Variants in NEK11 observed in about 807,000 individuals in gnomAD.
NEK11 encodes serine/threonine-protein kinase Nek11.
Under a neutral mutation model 80.7 loss-of-function variants are expected in NEK11, and 72 were observed. The observed-to-expected ratio is 0.89, with a 90% CI of 0.74 to 1.08. The LOEUF (loss-of-function observed/expected upper bound fraction) is 1.08. NEK11 is among the 50% of genes least tolerant of loss of function. The pLI is 0.00. For synonymous variants in NEK11, 251 were observed against 260.7 expected, an observed-to-expected ratio of 0.96 and a Z score of 0.36; for missense variants, 764 against 763.6, an observed-to-expected ratio of 1.00 and a Z score of -0.01.
At chr3:131,171,874 A>C (rs1434909229) in intron 14 of NEK11, among the ~76,000 whole-genome samples, 1 of 152,232 alleles carries the variant, frequency 6.6e-6, no homozygotes, top group Non-Finnish European at 1.5e-5. Flanking sequence ...TGAGTGGATG[A>C]ATACATGAGT....
chr3:131,098,645 C>T (rs58954839), intron 4 of NEK11, among the ~76,000 whole-genome samples: 31,655 of 149,908 alleles, frequency 0.21, 3,657 homozygotes, highest in African/African-American at 0.32. Context: ...GCGCAATCTC[C>T]GCTCACTGAA....
chr3:131,255,050 G>GAGAGAC (rs1222083767), intron 16 of NEK11, among the ~76,000 whole-genome samples: 2 of 132,634 alleles, frequency 1.5e-5, no homozygotes, highest in African/African-American at 5.6e-5. Context: ...GAGAGAGAGA[G>GAGAGAC]AGACAGACAG....
chr3:131,168,093 C>A (rs1435161598), intron 12 of NEK11, among the ~76,000 whole-genome samples: 1 of 152,196 alleles, frequency 6.6e-6, no homozygotes, highest in Non-Finnish European at 1.5e-5. Flanking sequence ...AGGCATCCTG[C>A]CCTCTTTTGT....
chr3:131,100,403 G>T (rs2078189488), intron 4 of NEK11, among the ~76,000 whole-genome samples: 1 of 151,984 alleles, frequency 6.6e-6, no homozygotes, highest in South Asian at 2.1e-4. Flanking sequence ...CAGCTAGTCT[G>T]GCCAACATGG....
chr3:131,250,403 A>G (rs1242734638), intron 16 of NEK11, among the ~76,000 whole-genome samples: 1 of 152,110 alleles, frequency 6.6e-6, no homozygotes, highest in Non-Finnish European at 1.5e-5. Context: ...TGAACCTACA[A>G]ATATTTATCT....
rs181434023 is a variant in NEK11, at chr3:131,123,462, G to A, written c.456-9283G>A. On this transcript the variant is annotated intron_variant, in intron 5 of 17. Transcript: ENST00000383366. ...TTACAGGCATGAGCCACCATGCATGGCCAATTATAATTTTTCAATAGATAT... is the reference window on the plus strand; with the variant it reads ...TTACAGGCATGAGCCACCATGCATGACCAATTATAATTTTTCAATAGATAT... Among the ~76,000 whole-genome samples the A allele has an allele frequency of 7.9e-4, 121 of 152,278 alleles. 1 individual carries two copies. Among genetic ancestry groups the A allele is most frequent in the Non-Finnish European group, 3.7e-4 (25 of 68,030 alleles).
intron 14 of NEK11, among the ~76,000 whole-genome samples, chr3:131,226,235 G>C (rs560059997): frequency 8.4e-4 from 128 of 152,242 alleles, no homozygotes; most frequent in African/African-American, 2.8e-3. Context: ...CCTACTTGAT[G>C]GCAGAACTGG....
At chr3:131,034,472 T>C (rs1184579585) in intron 3 of NEK11, among the ~76,000 whole-genome samples, 4 of 152,142 alleles carry the variant, frequency 2.6e-5, no homozygotes, top group Non-Finnish European at 5.9e-5. Flanking sequence ...CGATCTTGGC[T>C]CACTGCAAGC....
intron 17 of NEK11, among the ~76,000 whole-genome samples, chr3:131,323,862 C>T (rs2096926147): frequency 6.6e-6 from 1 of 152,054 alleles, no homozygotes; most frequent in African/African-American, 2.4e-5. Context: ...TTGTGCAAAC[C>T]AAGGCACTTT....
intron 17 of NEK11, among the ~76,000 whole-genome samples, chr3:131,300,128 A>G (rs1294601327): frequency 6.6e-6 from 1 of 152,140 alleles, no homozygotes; most frequent in Non-Finnish European, 1.5e-5. Context: ...TCTGAAGATT[A>G]GTGATATTGA....
At chr3:131,155,387 G>A (rs1055335622) in intron 10 of NEK11, among the ~76,000 whole-genome samples, 1 of 152,146 alleles carries the variant, frequency 6.6e-6, no homozygotes, top group African/African-American at 2.4e-5. Context: ...AGGATATAGA[G>A]AAGTTAATAT....
At chr3:131,164,371 C>T (rs920874536) in intron 11 of NEK11, among the ~76,000 whole-genome samples, 15 of 152,148 alleles carry the variant, frequency 9.9e-5, no homozygotes, top group Admixed American at 7.2e-4. Context: ...TTGGATTCTG[C>T]AAACCACTAT....
In NEK11 at chr3:131,123,169, A is replaced by AT. The variant is rs945306508; in HGVS notation, c.456-9566dup. Among the ~76,000 whole-genome samples, 785 of 150,308 alleles carry AT rather than the reference A, an allele frequency of 5.2e-3. 6 individuals carry two copies. Among genetic ancestry groups the AT allele is most frequent in the African/African-American group, 0.017 (708 of 40,964 alleles). ...GTAACCACAAAGCCAATACATTACGATTTTTTTTTTCTCCTGAGACGGAGT... is the reference window on the plus strand; with the variant it reads ...GTAACCACAAAGCCAATACATTACGATTTTTTTTTTTCTCCTGAGACGGAGT... On this transcript the variant is annotated intron_variant, in intron 5 of 17. Transcript: ENST00000383366.
At chr3:131,344,273 A>T (rs1024999436) in intron 17 of NEK11, among the ~76,000 whole-genome samples, 15 of 152,190 alleles carry the variant, frequency 9.9e-5, no homozygotes, top group African/African-American at 3.6e-4. Flanking sequence ...GAATGCAGCT[A>T]AGCTCTTTGG....
At chr3:131,213,794 G>A (rs962317477) in intron 14 of NEK11, among the ~76,000 whole-genome samples, 4 of 152,176 alleles carry the variant, frequency 2.6e-5, no homozygotes, top group Admixed American at 1.3e-4. Flanking sequence ...GATGATTCAT[G>A]TGCACACTGG....
intron 14 of NEK11, among the ~76,000 whole-genome samples, chr3:131,225,024 G>T (rs1484003780): frequency 2.0e-5 from 3 of 152,142 alleles, no homozygotes; most frequent in African/African-American, 7.2e-5. Flanking sequence ...AGTGTCCAGT[G>T]TTTATAAGTC....
At chr3:131,269,505 C>T (rs1053008462) in intron 16 of NEK11, among the ~76,000 whole-genome samples, 1 of 152,172 alleles carries the variant, frequency 6.6e-6, no homozygotes, top group Non-Finnish European at 1.5e-5. Context: ...CTCATGGCTT[C>T]CCTTGGCTAG....
At chr3:131,178,797 T>C (rs890461920) in intron 14 of NEK11, among the ~76,000 whole-genome samples, 4 of 152,250 alleles carry the variant, frequency 2.6e-5, no homozygotes, top group Non-Finnish European at 5.9e-5. Flanking sequence ...TACTTTTATA[T>C]GACTGACAGT....
At chr3:131,165,344 T>A in intron 11 of NEK11, 82 bp from the exon 12 acceptor site, 2 of 848,944 alleles carry the variant, frequency 2.4e-6, no homozygotes, top group Non-Finnish European at 1.9e-6. Flanking sequence ...TCTGTTGAAA[T>A]AAGGATCACA....
Sources: gnomAD v4.1 joint callset for allele counts (sites outside exome capture counted in the v4.1 genomes callset) on GRCh38, gnomAD v4.1.1 for gene constraint, MANE v1.5 for transcripts, NCBI Gene and HGNC (gene_info 2026-07-23, HGNC 2026-07-21) for gene names.